ZCCHC24: variants seen among roughly 807,000 people sequenced by gnomAD.
The protein encoded by ZCCHC24 is zinc finger CCHC domain-containing protein 24.
ZCCHC24 carries 10 observed loss-of-function variants against 26.2 expected under a neutral mutation model. The observed-to-expected ratio is 0.38, with a 90% CI of 0.24 to 0.65. The LOEUF (loss-of-function observed/expected upper bound fraction) is 0.65, where lower values mean the gene tolerates loss of function less well. Ranked by LOEUF, ZCCHC24 falls within the 30% of genes least tolerant of loss-of-function variation. The probability of loss-of-function intolerance (pLI) is 0.54; values close to 1 mark genes in which losing one functional copy is unlikely to be tolerated. For missense variants in ZCCHC24, 243 were observed against 329.1 expected, an observed-to-expected ratio of 0.74 and a Z score of 2.03; for synonymous variants, 144 against 147.1, an observed-to-expected ratio of 0.98 and a Z score of 0.15.
chr10:79,427,383 A>G (rs1451797033), intron 2 of ZCCHC24, among the ~76,000 whole-genome samples: 3 of 152,228 alleles, frequency 2.0e-5, no homozygotes, highest in East Asian at 3.8e-4. Flanking sequence ...CAACAGCAGA[A>G]TACATTTCTC....
At position 79,432,746 on chromosome 10, in the gene ZCCHC24, T is replaced by C. The variant is rs1054188210; in HGVS notation, c.259A>G (p.Ser87Gly). 13 of 1,608,302 alleles carry C rather than the reference T, an allele frequency of 8.1e-6. No individual in the cohort carries two copies. The highest frequency in any genetic ancestry group is 1.1e-5 in the Non-Finnish European group (13 of 1,178,028). ...TAGGGTGAGGCGCCCTTGTACACAC[T>C]GTTGCTCAGCGCCTGTGGGAGACAG... ...QLQRGEALSN[S>G]VYKGASPYGS... Residue 87 changes from serine to glycine, a missense_variant, in exon 2 of 4, where the codon AGT becomes GGT. Coordinates refer to ENST00000372336, the MANE Select transcript of ZCCHC24 (RefSeq NM_153367.4).
chr10:79,403,593 G>A (rs1396002130), intron 2 of ZCCHC24: 5 of 985,324 alleles, frequency 5.1e-6, no homozygotes, highest in Non-Finnish European at 6.0e-6. Context: ...GCGGCAAGAG[G>A]CCACCCGGGG....
chr10:79,400,267 G>T (rs559879450), intron 2 of ZCCHC24, among the ~76,000 whole-genome samples: 56 of 152,346 alleles, frequency 3.7e-4, no homozygotes, highest in African/African-American at 1.2e-3. Flanking sequence ...GACAAAAGGG[G>T]TGTTCAAAAA....
intron 2 of ZCCHC24, among the ~76,000 whole-genome samples, chr10:79,421,212 C>A (rs1312923907): frequency 6.6e-6 from 1 of 152,232 alleles, no homozygotes; most frequent in African/African-American, 2.4e-5. Context: ...AACACCCATC[C>A]CAGCTGACAT....
At chr10:79,430,165 A>G (rs1459316060) in intron 2 of ZCCHC24, among the ~76,000 whole-genome samples, 1 of 152,152 alleles carries the variant, frequency 6.6e-6, no homozygotes, top group African/African-American at 2.4e-5. Flanking sequence ...TAGTTTCACT[A>G]TGTCCTCACA....
intron 2 of ZCCHC24, among the ~76,000 whole-genome samples, chr10:79,411,330 C>A (rs1419718816): frequency 6.6e-6 from 1 of 152,194 alleles, no homozygotes; most frequent in Non-Finnish European, 1.5e-5. Flanking sequence ...TAATTAAACA[C>A]ACACACACTC....
chr10:79,411,546 G>C (rs1856792159), intron 2 of ZCCHC24, among the ~76,000 whole-genome samples: 1 of 152,294 alleles, frequency 6.6e-6, no homozygotes, highest in South Asian at 2.1e-4. Context: ...GATTCTAGAG[G>C]GAAAGGTGGC....
chr10:79,438,278 T>C (rs189590280), intron 1 of ZCCHC24, among the ~76,000 whole-genome samples: 3 of 152,280 alleles, frequency 2.0e-5, no homozygotes, highest in Admixed American at 6.5e-5. Context: ...AGATCATTCA[T>C]CTCGCAAATG....
At chr10:79,420,282 C>T (rs1856919411) in intron 2 of ZCCHC24, among the ~76,000 whole-genome samples, 1 of 152,156 alleles carries the variant, frequency 6.6e-6, no homozygotes, top group Non-Finnish European at 1.5e-5. Context: ...CTTCCCCTGT[C>T]CCCTCCCCAA....
chr10:79,412,829 T>C (rs1451764419), intron 2 of ZCCHC24, among the ~76,000 whole-genome samples: 1 of 152,182 alleles, frequency 6.6e-6, no homozygotes, highest in African/African-American at 2.4e-5. Context: ...CCCGTGTAAG[T>C]AGGGATAATA....
intron 2 of ZCCHC24, among the ~76,000 whole-genome samples, chr10:79,417,618 G>GGAAGAAAGGATGAGAGACAGAGAT (rs1564636915): frequency 3.3e-5 from 5 of 152,202 alleles, no homozygotes; most frequent in Non-Finnish European, 2.9e-5. Flanking sequence ...AAAGAAAAGA[G>GGAAGAAAGGATGAGAGACAGAGAT]GAAGAAAGGA....
At chr10:79,426,029 C>T (rs1248634370) in intron 2 of ZCCHC24, among the ~76,000 whole-genome samples, 2 of 152,166 alleles carry the variant, frequency 1.3e-5, no homozygotes, top group Admixed American at 1.3e-4. Context: ...GCACCTTCTC[C>T]CTCTGTTTTG....
intron 1 of ZCCHC24, among the ~76,000 whole-genome samples, chr10:79,444,853 C>T (rs1209314584): frequency 6.6e-6 from 1 of 152,224 alleles, no homozygotes; most frequent in East Asian, 1.9e-4. Flanking sequence ...GCCCAGGCCG[C>T]ACCCCAGCTG....
chr10:79,387,577 T>A, intron 3 of ZCCHC24, among the ~76,000 whole-genome samples: 1 of 152,156 alleles, frequency 6.6e-6, no homozygotes, highest in Admixed American at 6.5e-5. Context: ...TGCATGGACA[T>A]GGGGGGCTCA....
intron 2 of ZCCHC24, among the ~76,000 whole-genome samples, chr10:79,423,879 G>A (rs550543617): frequency 2.6e-5 from 4 of 151,442 alleles, no homozygotes; most frequent in East Asian, 3.9e-4. Flanking sequence ...TCAGTCAGGC[G>A]TGGTGGCAGG....
chr10:79,418,596 A>G (rs1006816544), intron 2 of ZCCHC24, among the ~76,000 whole-genome samples: 8 of 152,160 alleles, frequency 5.3e-5, no homozygotes, highest in African/African-American at 1.9e-4. Context: ...GAGATGAGAG[A>G]GTCACTGGCT....
intron 2 of ZCCHC24, among the ~76,000 whole-genome samples, chr10:79,429,630 C>G (rs150560588): frequency 2.8e-3 from 433 of 152,226 alleles, no homozygotes; most frequent in Non-Finnish European, 5.0e-3. Context: ...AATTCCTTTT[C>G]AAGGTGATGA....
intron 2 of ZCCHC24, among the ~76,000 whole-genome samples, chr10:79,427,471 T>A (rs1033908501): frequency 1.3e-5 from 2 of 152,068 alleles, no homozygotes; most frequent in African/African-American, 2.4e-5. Context: ...TTTAGAAGGG[T>A]TAATATAATA....
At chr10:79,405,743 G>C (rs1856703205) in intron 2 of ZCCHC24, among the ~76,000 whole-genome samples, 2 of 152,370 alleles carry the variant, frequency 1.3e-5, no homozygotes, top group East Asian at 3.9e-4. Context: ...CCACAGCCCT[G>C]GGAGGAGGGG....
Sources: allele counts gnomAD v4.1 joint callset (sites outside exome capture counted in the v4.1 genomes callset), GRCh38; gene constraint gnomAD v4.1.1; transcripts MANE v1.5; gene names NCBI Gene and HGNC (gene_info 2026-07-23, HGNC 2026-07-21).